DPYD: variants seen among roughly 807,000 people sequenced by gnomAD.
DPYD encodes dihydropyrimidine dehydrogenase, also known as dihydropyrimidine dehydrogenase [NADP(+)].
A neutral mutation model predicts 116.2 loss-of-function variants in DPYD; 109 were observed. The observed-to-expected ratio is 0.94, with a 90% confidence interval of 0.80 to 1.10. DPYD has a LOEUF of 1.10. Among genes scored for constraint, DPYD ranks in the 50% least tolerant of loss-of-function variants. The pLI, the probability that DPYD is intolerant of heterozygous loss-of-function variation, is 0.00. For missense variants in DPYD, 1,302 were observed against 1,254.5 expected (o/e 1.04, Z -0.57); for synonymous variants, 440 against 432.0 (o/e 1.02, Z -0.23).
intron 11 of DPYD, among the ~76,000 whole-genome samples, chr1:97,563,440 C>T (rs1386153357): frequency 6.6e-6 from 1 of 152,172 alleles, no homozygotes. Flanking sequence ...GATTTCTGTT[C>T]TCTGAAACAA....
chr1:97,128,439 T>C (rs1221819090), intron 20 of DPYD, among the ~76,000 whole-genome samples: 2 of 152,198 alleles, frequency 1.3e-5, no homozygotes, highest in Non-Finnish European at 2.9e-5. Flanking sequence ...GTTAGAGTTA[T>C]CCGTGCCTAA....
At chr1:97,546,768 G>T (rs1406822682) in intron 12 of DPYD, 33 of 1,613,030 alleles carry the variant, frequency 2.0e-5, no homozygotes, top group Non-Finnish European at 2.5e-5. Context: ...AGTATACTGT[G>T]TTTCTGAGAT....
intron 20 of DPYD, among the ~76,000 whole-genome samples, chr1:97,126,882 T>C (rs973819211): frequency 1.3e-5 from 2 of 152,212 alleles, no homozygotes; most frequent in Non-Finnish European, 2.9e-5. Flanking sequence ...AATTTTATAT[T>C]TTCTTTAGGA....
intron 20 of DPYD, among the ~76,000 whole-genome samples, chr1:97,185,220 A>G (rs1476308620): frequency 6.6e-6 from 1 of 152,220 alleles, no homozygotes; most frequent in African/African-American, 2.4e-5. Flanking sequence ...GAAGGCCAAT[A>G]AGAACATAAA....
intron 14 of DPYD, among the ~76,000 whole-genome samples, chr1:97,400,695 G>A (rs1265106420): frequency 1.3e-5 from 2 of 152,090 alleles, no homozygotes; most frequent in African/African-American, 4.8e-5. Flanking sequence ...TATGTGATGA[G>A]GAATTTATCC....
chr1:97,081,479 T>C (rs1182266189), intron 22 of DPYD, among the ~76,000 whole-genome samples: 1 of 152,072 alleles, frequency 6.6e-6, no homozygotes, highest in African/African-American at 2.4e-5. Flanking sequence ...AAGAAACTTA[T>C]GTTTAAAAGT....
chr1:97,353,411 G>A (rs1331602383), intron 16 of DPYD, among the ~76,000 whole-genome samples: 3 of 152,154 alleles, frequency 2.0e-5, no homozygotes, highest in Admixed American at 2.0e-4. Context: ...AAGAAGGGGT[G>A]TATTAACTCT....
chr1:97,201,374 C>G (rs1001113997), intron 19 of DPYD, among the ~76,000 whole-genome samples: 2 of 152,030 alleles, frequency 1.3e-5, no homozygotes, highest in Non-Finnish European at 2.9e-5. Context: ...TAATTACTCA[C>G]GGAATTGAGT....
intron 19 of DPYD, among the ~76,000 whole-genome samples, chr1:97,195,006 T>C (rs1470299512): frequency 6.6e-6 from 1 of 152,198 alleles, no homozygotes; most frequent in Non-Finnish European, 1.5e-5. Context: ...ATACTGCTTC[T>C]AGGTTGCTTA....
intron 2 of DPYD, among the ~76,000 whole-genome samples, chr1:97,845,047 T>G (rs1263303414): frequency 1.3e-5 from 2 of 151,934 alleles, no homozygotes; most frequent in African/African-American, 4.8e-5. Flanking sequence ...TGCTGAGGGG[T>G]GCTCAGCATG....
chr1:97,845,218 T>C (rs1670232945), intron 2 of DPYD, among the ~76,000 whole-genome samples: 1 of 152,202 alleles, frequency 6.6e-6, no homozygotes, highest in Non-Finnish European at 1.5e-5. Context: ...GGACTGTCAG[T>C]TCCAGGTGGA....
chr1:97,637,056 T>C (rs1284051892), intron 8 of DPYD, among the ~76,000 whole-genome samples: 1 of 152,078 alleles, frequency 6.6e-6, no homozygotes, highest in African/African-American at 2.4e-5. Flanking sequence ...CTTTCCCAAT[T>C]TGACTAAAAG....
At chr1:97,205,807 T>C (rs781624437) in intron 19 of DPYD, among the ~76,000 whole-genome samples, 10 of 152,050 alleles carry the variant, frequency 6.6e-5, no homozygotes, top group Non-Finnish European at 1.3e-4. Context: ...ACTGCTGGAG[T>C]CTGGCTGCTT....
chr1:97,610,310 C>T (rs1157921861), intron 8 of DPYD, among the ~76,000 whole-genome samples: 2 of 151,972 alleles, frequency 1.3e-5, no homozygotes. Context: ...TTAAGGAGAA[C>T]AGAAGGCAAG....
chr1:97,423,760 C>T (rs572439719), intron 14 of DPYD, among the ~76,000 whole-genome samples: 1 of 152,126 alleles, frequency 6.6e-6, no homozygotes, highest in African/African-American at 2.4e-5. Context: ...TGTAACACAG[C>T]ACTGTCACTT....
At chr1:97,897,543 G>C (rs750208295) in intron 1 of DPYD, among the ~76,000 whole-genome samples, 6 of 151,814 alleles carry the variant, frequency 4.0e-5, no homozygotes, top group Admixed American at 2.0e-4. Flanking sequence ...ACAGCTCACT[G>C]ATAGTCTTTT....
rs562739347 is a variant in DPYD, at chr1:97,377,489, C to A, written c.1975-3845G>T. On this transcript the variant is annotated intron_variant, in intron 15 of 22. Transcript: ENST00000370192. ...TTGATATGAAAATGATTTAAGATAA[C>A]TCACCTGGTCCTACATTGTCTATAC... 5.3e-5 allele frequency among the ~76,000 whole-genome samples: 8 copies of A among 152,290 alleles called. No individual in the cohort carries two copies. The South Asian group carries it at 1.4e-3, about 28-fold the overall frequency.
intron 13 of DPYD, among the ~76,000 whole-genome samples, chr1:97,508,308 T>C (rs1647508179): frequency 6.6e-6 from 1 of 151,908 alleles, no homozygotes. Flanking sequence ...GTCATATAAA[T>C]ATCTGAGAGA....
intron 11 of DPYD, among the ~76,000 whole-genome samples, chr1:97,552,549 T>C (rs186108144): frequency 1.3e-5 from 2 of 152,242 alleles, no homozygotes; most frequent in Admixed American, 6.6e-5. Context: ...CTATTGTATA[T>C]GCATTGTGTT....
Sources: allele counts gnomAD v4.1 joint callset (sites outside exome capture counted in the v4.1 genomes callset), GRCh38; gene constraint gnomAD v4.1.1; transcripts MANE v1.5; gene names NCBI Gene and HGNC (gene_info 2026-07-23, HGNC 2026-07-21).